The following ANTXRL variants were observed in gnomAD, a reference collection of about 807,000 sequenced individuals.
ANTXRL encodes the protein ANTXR like.
In ANTXRL, 63 loss-of-function variants were observed where a neutral mutation model predicts 75.4. The observed-to-expected ratio is 0.84, with a 90% CI of 0.68 to 1.03. ANTXRL has a LOEUF of 1.03. Ranked by LOEUF, ANTXRL falls within the 50% of genes least tolerant of loss-of-function variation. ANTXRL has a pLI of 0.00. For synonymous variants in ANTXRL, 335 were observed against 291.3 expected, an observed-to-expected ratio of 1.15 and a Z score of -1.53; for missense variants, 797 against 789.4, an observed-to-expected ratio of 1.01 and a Z score of -0.12.
At chr10:46,301,115 C>A (rs1837711933) in intron 9 of ANTXRL, among the ~76,000 whole-genome samples, 1 of 152,230 alleles carries the variant, frequency 6.6e-6, no homozygotes, top group Non-Finnish European at 1.5e-5. Context: ...CAGCACTCAG[C>A]CCTGCTTAGA....
chr10:46,287,285 G>A lies in ANTXRL; in HGVS notation c.23G>A (p.Gly8Glu). 1 of 1,535,886 alleles carries A rather than the reference G, an allele frequency of 6.5e-7. No homozygotes were observed. Among genetic ancestry groups the A allele is most frequent in the South Asian group, 1.2e-5 (1 of 84,040 alleles). The change falls in exon 1 of 17, where the codon GGG becomes GAG. Residue 8 changes from glycine to glutamate, a missense_variant. Physicochemically the swap from Gly to Glu is moderately conservative, Grantham distance 98. Coordinates refer to ENST00000620264, the MANE Select transcript of ANTXRL (RefSeq NM_001278688.3). MGSHESL[G>E]PYFLVFLLLL... ...ATAATGGGGAGCCATGAGTCCCTGG[G>A]GCCCTACTTCCTGGTCTTCCTGCTG...
At chr10:46,296,429 A>G (rs1416374271) in intron 5 of ANTXRL, among the ~76,000 whole-genome samples, 177 bp downstream of exon 5, 22 of 152,004 alleles carry the variant, frequency 1.4e-4, no homozygotes, top group Non-Finnish European at 5.9e-5. Flanking sequence ...GTAAGCCCTC[A>G]CCCCATGGAG....
At chr10:46,291,235 A>G (rs11259776) in intron 1 of ANTXRL, among the ~76,000 whole-genome samples, 13,432 of 152,022 alleles carry the variant, frequency 0.088, 1,549 homozygotes, top group African/African-American at 0.27. Flanking sequence ...AAATCGTTTG[A>G]CCACAGACAT....
Position 46,309,154 on chromosome 10 carries a change from G to A in ANTXRL, c.1086G>A (p.Leu362=), listed in dbSNP as rs782355778. 5 of 1,535,766 alleles carry A rather than the reference G, an allele frequency of 3.3e-6. No homozygotes were observed. The South Asian group carries it at 3.6e-5, about 11-fold the overall frequency. ...RNWLYFVPLL[L]LVPLLLCCVW... ...GGCTCTATTTTGTGCCACTCCTGCT[G>A]CTTGTGCCACTGCTGCTGTGTTGTG... Residue 362 remains leucine (L), a synonymous_variant, in exon 13 of 17, where the codon CTG becomes CTA. Coordinates refer to ENST00000620264, the MANE Select transcript of ANTXRL (RefSeq NM_001278688.3).
chr10:46,322,130 C>A (rs574264754), intron 16 of ANTXRL, among the ~76,000 whole-genome samples: 3 of 152,102 alleles, frequency 2.0e-5, no homozygotes, highest in African/African-American at 7.2e-5. Flanking sequence ...CATGGGAAAG[C>A]CTTTACTCAA....
At chr10:46,319,688 C>T (rs1838891387) in intron 16 of ANTXRL, among the ~76,000 whole-genome samples, 1 of 152,026 alleles carries the variant, frequency 6.6e-6, no homozygotes, top group South Asian at 2.1e-4. Flanking sequence ...GCATGATAGC[C>T]TGGAAAGTCG....
chr10:46,311,782 C>T (rs1224436312), intron 15 of ANTXRL, 117 bp downstream of exon 15: 4 of 575,956 alleles, frequency 6.9e-6, no homozygotes, highest in Non-Finnish European at 9.2e-6. Context: ...TCTACAGGGG[C>T]TGGACTTTGG....
intron 16 of ANTXRL, among the ~76,000 whole-genome samples, chr10:46,314,967 C>T (rs1838642354): frequency 6.6e-6 from 1 of 152,116 alleles, no homozygotes. Flanking sequence ...CTTGTGCTTC[C>T]CAACTATAGT....
At chr10:46,307,154 ACT>A (rs1838144582) in intron 11 of ANTXRL, among the ~76,000 whole-genome samples, 1 of 151,922 alleles carries the variant, frequency 6.6e-6, no homozygotes, top group Admixed American at 6.6e-5. Flanking sequence ...AAGCCAACAC[ACT>A]CTGTAAATAC....
At chr10:46,328,802 T>C (rs1409575974) in intron 16 of ANTXRL, among the ~76,000 whole-genome samples, 2 of 152,054 alleles carry the variant, frequency 1.3e-5, no homozygotes, top group Admixed American at 6.6e-5. Context: ...TGTTTGGTAT[T>C]GCTGGGCCCA....
chr10:46,315,023 C>T (rs2081397010), intron 16 of ANTXRL, among the ~76,000 whole-genome samples: 1 of 152,190 alleles, frequency 6.6e-6, no homozygotes, highest in Admixed American at 6.5e-5. Context: ...GTCGGATACC[C>T]AAGAATTCAG....
intron 9 of ANTXRL, among the ~76,000 whole-genome samples, chr10:46,300,861 C>G (rs1170030789): frequency 6.6e-6 from 1 of 152,048 alleles, no homozygotes; most frequent in African/African-American, 2.4e-5. Context: ...TTTCTTCCAC[C>G]CTTTTATTGT....
chr10:46,302,851 C>T (rs1294803577), intron 10 of ANTXRL, 31 bp downstream of exon 10: 18 of 1,453,012 alleles, frequency 1.2e-5, no homozygotes, highest in Middle Eastern at 2.1e-4. Flanking sequence ...CTCTGAGTCA[C>T]GTATTTCCCA....
At chr10:46,296,769 G>A (rs1397934997) in intron 5 of ANTXRL, among the ~76,000 whole-genome samples, 1 of 152,136 alleles carries the variant, frequency 6.6e-6, no homozygotes, top group African/African-American at 2.4e-5. Context: ...CACTGGCCTG[G>A]AGTCCTGAAC....
intron 12 of ANTXRL, among the ~76,000 whole-genome samples, chr10:46,307,913 C>A (rs1341699796): frequency 6.6e-6 from 1 of 152,156 alleles, no homozygotes; most frequent in Non-Finnish European, 1.5e-5. Context: ...TCCCTCTCTG[C>A]TCCCTCGCCA....
rs544841599 is a variant in ANTXRL at position 46,292,007 on chromosome 10, C to T, written c.249-51C>T. Reference sequence around the variant, plus strand: ...GGCTGGGGGCGGGGCAGACACTTGCCCATCGGAGAGATGCACTCATCTCCC... The same window carrying T: ...GGCTGGGGGCGGGGCAGACACTTGCTCATCGGAGAGATGCACTCATCTCCC... On this transcript the variant is annotated intron_variant, in intron 1 of 16. Coordinates refer to ENST00000620264, the MANE Select transcript of ANTXRL (RefSeq NM_001278688.3). 2.5e-5 allele frequency: 37 copies of T among 1,499,718 alleles called. 1 individual carries two copies. The East Asian group carries it at 3.7e-4, about 15-fold the overall frequency. The allele number at this position is 1,499,718 out of a possible 1,614,324, so 92.9% of individuals were successfully genotyped here.
intron 16 of ANTXRL, among the ~76,000 whole-genome samples, chr10:46,318,471 A>G (rs560982400): frequency 6.6e-6 from 1 of 152,200 alleles, no homozygotes; most frequent in South Asian, 2.1e-4. Context: ...GTAATGAAAC[A>G]TTTTTAGGGA....
chr10:46,318,290 A>C (rs1315721697), intron 16 of ANTXRL, among the ~76,000 whole-genome samples: 1 of 152,188 alleles, frequency 6.6e-6, no homozygotes, highest in Non-Finnish European at 1.5e-5. Context: ...GCAATAAAAA[A>C]CAAAATACCC....
intron 12 of ANTXRL, chr10:46,308,409 C>CCTCCCCTCCCCTCCCCTCCTCTCCA (rs1838223717): frequency 9.3e-6 from 3 of 322,094 alleles, no homozygotes. Flanking sequence ...CCTTCCCTCC[C>CCTCCCCTCCCCTCCCCTCCTCTCCA]CTCCCCTCCC....
Sources: allele counts gnomAD v4.1 joint callset (sites outside exome capture counted in the v4.1 genomes callset), GRCh38; gene constraint gnomAD v4.1.1; transcripts MANE v1.5; gene names NCBI Gene and HGNC (gene_info 2026-07-23, HGNC 2026-07-21).